CDK14: variants seen among roughly 807,000 people sequenced by gnomAD.
CDK14 encodes cyclin dependent kinase 14.
In CDK14, 34 loss-of-function variants were observed where a neutral mutation model predicts 60.7. The observed-to-expected ratio is 0.56, with a 90% CI of 0.43 to 0.75. The LOEUF (loss-of-function observed/expected upper bound fraction) is 0.75, where lower values mean the gene tolerates loss of function less well. Among genes scored for constraint, CDK14 ranks in the 30% least tolerant of loss-of-function variants. CDK14 has a pLI of 0.00. For synonymous variants in CDK14, 197 were observed against 203.7 expected (o/e 0.97, Z 0.28); for missense variants, 482 against 564.1 (o/e 0.85, Z 1.47).
chr7:90,812,575 A>T (rs1789172865), intron 5 of CDK14, among the ~76,000 whole-genome samples: 1 of 152,176 alleles, frequency 6.6e-6, no homozygotes, highest in African/African-American at 2.4e-5. Context: ...TATGTTACTA[A>T]CCTGCACATT....
At chr7:90,984,001 CT>C in intron 9 of CDK14, 146 bp from the exon 10 acceptor site, 1 of 621,398 alleles carries the variant, frequency 1.6e-6, no homozygotes, top group Non-Finnish European at 2.9e-6. Context: ...ACGTGTACCC[CT>C]GAATCTAAAA....
chr7:91,009,558 C>T (rs571698429), intron 10 of CDK14, among the ~76,000 whole-genome samples: 1 of 152,204 alleles, frequency 6.6e-6, no homozygotes, highest in Admixed American at 6.5e-5. Flanking sequence ...ACTAATATTC[C>T]ATAGTGGTTT....
intron 11 of CDK14, among the ~76,000 whole-genome samples, chr7:91,062,058 C>G (rs981626903): frequency 6.6e-6 from 1 of 152,214 alleles, no homozygotes; most frequent in African/African-American, 2.4e-5. Context: ...CCAGTTCGAG[C>G]TTCCTGGCTG....
chr7:91,187,989 T>G (rs936598894), intron 14 of CDK14, among the ~76,000 whole-genome samples: 1 of 152,232 alleles, frequency 6.6e-6, no homozygotes, highest in African/African-American at 2.4e-5. Context: ...TTGGCACAAC[T>G]GCCGGCATTC....
chr7:90,854,768 A>G (rs1584048905), intron 5 of CDK14, among the ~76,000 whole-genome samples: 2 of 152,128 alleles, frequency 1.3e-5, no homozygotes, highest in East Asian at 3.9e-4. Context: ...CGGCTTTTAA[A>G]CCTAGTTTTT....
chr7:90,709,515 G>A (rs763077872), intron 2 of CDK14: 2 of 1,610,944 alleles, frequency 1.2e-6, no homozygotes, highest in South Asian at 2.2e-5. Context: ...TGAAAAGACA[G>A]TGTGTTGTGA....
chr7:90,762,859 T>G (rs1329826302), intron 4 of CDK14, among the ~76,000 whole-genome samples: 7 of 151,972 alleles, frequency 4.6e-5, no homozygotes. Context: ...TGGTGGCACA[T>G]GTACCTGTAA....
At chr7:90,820,441 G>T (rs531993746) in intron 5 of CDK14, among the ~76,000 whole-genome samples, 3 of 152,228 alleles carry the variant, frequency 2.0e-5, no homozygotes, top group African/African-American at 7.2e-5. Flanking sequence ...TGCTGTTCTT[G>T]TAATAATGAG....
At chr7:90,893,267 G>T (rs929962627) in intron 6 of CDK14, among the ~76,000 whole-genome samples, 3 of 152,294 alleles carry the variant, frequency 2.0e-5, no homozygotes, top group Non-Finnish European at 4.4e-5. Context: ...GGGAAAGTGT[G>T]GGAAGAAGAG....
chr7:90,661,533 A>G (rs1266570978), intron 2 of CDK14, among the ~76,000 whole-genome samples: 1 of 152,208 alleles, frequency 6.6e-6, no homozygotes, highest in Admixed American at 6.5e-5. Context: ...TTAAGTCTAC[A>G]TATTTAGATA....
intron 6 of CDK14, among the ~76,000 whole-genome samples, chr7:90,889,782 T>G (rs1792057592): frequency 6.6e-6 from 1 of 152,192 alleles, no homozygotes; most frequent in Non-Finnish European, 1.5e-5. Context: ...CAAATAAGTC[T>G]ATACAGGAAC....
chr7:90,601,227 G>A (rs1799307575), intron 1 of CDK14, among the ~76,000 whole-genome samples: 1 of 152,208 alleles, frequency 6.6e-6, no homozygotes, highest in Non-Finnish European at 1.5e-5. Context: ...AATCCTTAAA[G>A]ATAATTGTGG....
At position 90,803,512 on chromosome 7, in the gene CDK14, T is replaced by G. The variant is rs575097959; in HGVS notation, c.544+12860T>G. Among the ~76,000 whole-genome samples, 445 of 152,196 alleles carry G rather than the reference T, an allele frequency of 2.9e-3. 2 individuals carry two copies. Among genetic ancestry groups the G allele is most frequent in the African/African-American group, 0.01 (426 of 41,530 alleles). On this transcript the variant is annotated intron_variant, in intron 5 of 14. Transcript: ENST00000380050. The stretch of plus-strand genomic sequence containing the variant: ...TTGATGAAGGTGGGGTTAGTCAGGG[T>G]GACTTCCAGGATTCTGGATTGGGTA...
chr7:91,081,329 A>G (rs964481707), intron 12 of CDK14, among the ~76,000 whole-genome samples: 1 of 152,204 alleles, frequency 6.6e-6, no homozygotes, highest in African/African-American at 2.4e-5. Context: ...AAAGACTATT[A>G]CGCGAGTGAT....
At chr7:91,045,507 A>G (rs757774135) in intron 10 of CDK14, among the ~76,000 whole-genome samples, 1 of 152,158 alleles carries the variant, frequency 6.6e-6, no homozygotes, top group Non-Finnish European at 1.5e-5. Context: ...AATTGTTGGA[A>G]CTGTTAAATG....
rs150336154 is a variant in CDK14, at chr7:90,760,559, G to A, written c.464+12784G>A. On this transcript the variant is annotated intron_variant, in intron 4 of 14. Transcript: ENST00000380050. ...ACAAGCTCTGCTGTAGGATGCTCCC[G>A]AGGCCCATGCTGTTTCTCCTTAGGT... 4.6e-3 allele frequency among the ~76,000 whole-genome samples: 699 copies of A among 152,278 alleles called. 7 individuals are homozygous for A. Among genetic ancestry groups the A allele is most frequent in the African/African-American group, 0.013 (561 of 41,572 alleles).
At chr7:91,016,843 T>C (rs1223894792) in intron 10 of CDK14, among the ~76,000 whole-genome samples, 1 of 152,184 alleles carries the variant, frequency 6.6e-6, no homozygotes, top group Non-Finnish European at 1.5e-5. Context: ...AAGCATTGTC[T>C]ATAGTAACTT....
Position 90,954,258 on chromosome 7 carries a change from G to A in CDK14, c.827-1439G>A, listed in dbSNP as rs188669145. Among the ~76,000 whole-genome samples the A allele has an allele frequency of 3.0e-3, 462 of 152,090 alleles. 2 individuals carry two copies. The highest frequency in any genetic ancestry group is 0.01 in the African/African-American group (424 of 41,524). On this transcript the variant is annotated intron_variant, in intron 8 of 14. Transcript: ENST00000380050. The stretch of plus-strand genomic sequence containing the variant: ...TTACATATAATACTGAAAATGGAAT[G>A]CTACATTTAATAAATAAGAAAAAGC...
intron 6 of CDK14, among the ~76,000 whole-genome samples, chr7:90,876,197 A>G (rs1466288746): frequency 6.6e-6 from 1 of 152,186 alleles, no homozygotes; most frequent in African/African-American, 2.4e-5. Flanking sequence ...CCTCAATGCC[A>G]GTATCCGTCT....
Sources: gnomAD v4.1 joint callset for allele counts (sites outside exome capture counted in the v4.1 genomes callset) on GRCh38, gnomAD v4.1.1 for gene constraint, MANE v1.5 for transcripts, NCBI Gene and HGNC (gene_info 2026-07-23, HGNC 2026-07-21) for gene names.